The following TLE1 variants were observed in gnomAD, a reference collection of about 807,000 sequenced individuals.
TLE1 encodes transducin-like enhancer protein 1.
TLE1 carries 21 observed loss-of-function variants against 89.8 expected under a neutral mutation model. That is an observed-to-expected ratio of 0.23 (90% CI 0.17 to 0.34). The LOEUF (loss-of-function observed/expected upper bound fraction) is 0.34, where lower values mean the gene tolerates loss of function less well. Ranked by LOEUF, TLE1 falls within the 10% of genes least tolerant of loss-of-function variation. TLE1 has a pLI of 1.00. For synonymous variants in TLE1, 447 were observed against 407.6 expected (o/e 1.10, Z -1.16); for missense variants, 795 against 1,031.2 (o/e 0.77, Z 3.14).
chr9:81,616,831 T>C (rs751862587), intron 9 of TLE1, 132 bp from the exon 10 acceptor site: 7 of 915,022 alleles, frequency 7.7e-6, no homozygotes, highest in Non-Finnish European at 1.2e-5. Context: ...GCAGGCTCTC[T>C]ATCAGTTTGC....
At chr9:81,600,126 A>G (rs777213112) in intron 14 of TLE1, 3 of 736,198 alleles carry the variant, frequency 4.1e-6, no homozygotes, top group Admixed American at 1.9e-5. Context: ...CCTAAACAGG[A>G]CAAAGATACA....
chr9:81,645,004 A>G (rs1221168299), intron 6 of TLE1, among the ~76,000 whole-genome samples: 1 of 144,054 alleles, frequency 6.9e-6, no homozygotes, highest in Admixed American at 6.9e-5. Flanking sequence ...CTGTCTCAAA[A>G]AAAAAAAAAA....
chr9:81,602,940 G>A (rs1831137546), intron 14 of TLE1, among the ~76,000 whole-genome samples: 1 of 152,182 alleles, frequency 6.6e-6, no homozygotes, highest in African/African-American at 2.4e-5. Context: ...AGTTTGGGGA[G>A]GCTGGAATGG....
chr9:81,644,759 A>C (rs748494465), intron 6 of TLE1, among the ~76,000 whole-genome samples: 173 of 151,414 alleles, frequency 1.1e-3, no homozygotes, highest in Non-Finnish European at 1.9e-3. Flanking sequence ...TTTGGGAGGC[A>C]GAGACAGGTG....
At chr9:81,653,406 C>T (rs772458958) in intron 5 of TLE1, among the ~76,000 whole-genome samples, 8 of 152,202 alleles carry the variant, frequency 5.3e-5, no homozygotes, top group Non-Finnish European at 1.0e-4. Context: ...TCATAGATTA[C>T]TCATATAAAG....
chr9:81,596,770 G>A (rs1830277276), intron 14 of TLE1, among the ~76,000 whole-genome samples: 2 of 152,284 alleles, frequency 1.3e-5, no homozygotes, highest in South Asian at 2.1e-4. Context: ...GGTTAACCTT[G>A]GTGACTGCAA....
chr9:81,593,573 A>G (rs111607551), intron 14 of TLE1, among the ~76,000 whole-genome samples: 2,149 of 152,248 alleles, frequency 0.014, 23 homozygotes, highest in Middle Eastern at 0.041. Context: ...CTCATTATAA[A>G]ACACTTAATG....
rs1257535151 is a variant in TLE1 at position 81,688,217 on chromosome 9, C to A, written c.24G>T (p.Pro8=). ...CCACCACCACCCAGCCGCGCCTCACCGGGTGCCGGCTCTGCGGGAACATCG... is the reference window on the plus strand; with the variant it reads ...CCACCACCACCCAGCCGCGCCTCACAGGGTGCCGGCTCTGCGGGAACATCG... The part of the protein sequence containing the change: MFPQSRH[P]TPHQAAGQPF... The change falls in exon 1 of 20, where the codon CCG becomes CCT. Residue 8 remains proline, a splice_region_variant and synonymous_variant. Transcript: ENST00000376499. The A allele has an allele frequency of 1.3e-6, 2 of 1,597,298 alleles. No homozygotes were observed. The highest frequency in any genetic ancestry group is 3.4e-5 in the Admixed American group (2 of 58,522).
chr9:81,642,264 A>G (rs1828225320), intron 6 of TLE1, among the ~76,000 whole-genome samples: 1 of 152,212 alleles, frequency 6.6e-6, no homozygotes, highest in Non-Finnish European at 1.5e-5. Flanking sequence ...GCTTGGGACC[A>G]GCAATGTTTG....
intron 8 of TLE1, among the ~76,000 whole-genome samples, chr9:81,622,472 C>T (rs1399977367): frequency 6.6e-6 from 1 of 152,112 alleles, no homozygotes; most frequent in Non-Finnish European, 1.5e-5. Context: ...TTAATGATGT[C>T]AAATGGTACT....
chr9:81,599,266 G>T (rs974464911), intron 14 of TLE1, among the ~76,000 whole-genome samples: 3 of 152,130 alleles, frequency 2.0e-5, no homozygotes, highest in African/African-American at 4.8e-5. Context: ...GCTAGTAAGC[G>T]GTAGACCAAC....
In TLE1 at chr9:81,670,096, C is replaced by G. The variant is rs1832023599; in HGVS notation, c.234+15580G>C. ...GCAAATCATTTGGGTAATTGGATATCTTATCTTTCTATTGCTCTCAAATCG... is the reference window on the plus strand; with the variant it reads ...GCAAATCATTTGGGTAATTGGATATGTTATCTTTCTATTGCTCTCAAATCG... On this transcript the variant is annotated intron_variant, in intron 4 of 19. Coordinates refer to ENST00000376499, the MANE Select transcript of TLE1 (RefSeq NM_005077.5). 3.3e-5 allele frequency among the ~76,000 whole-genome samples: 5 copies of G among 152,156 alleles called. 1 individual carries two copies. The South Asian group carries it at 1.0e-3, about 31-fold the overall frequency.
chr9:81,685,375 C>T (rs1307092412), intron 4 of TLE1, among the ~76,000 whole-genome samples: 1 of 152,200 alleles, frequency 6.6e-6, no homozygotes, highest in East Asian at 1.9e-4. Context: ...CCAGCCCTTT[C>T]AAGAGGATAA....
chr9:81,633,439 G>C (rs1826962748), intron 7 of TLE1, 75 bp from the exon 8 acceptor site: 2 of 1,596,314 alleles, frequency 1.3e-6, no homozygotes. Context: ...ATAAAAAAAA[G>C]GGGGGAATAA....
Position 81,611,890 on chromosome 9 carries a change from G to T in TLE1, c.1133C>A (p.Ala378Asp), listed in dbSNP as rs1433445487. Residue 378 changes from alanine (A) to aspartate (D), a missense_variant, in exon 13 of 20, where the codon GCT becomes GAT. Physicochemically the swap from Ala to Asp is moderately radical, Grantham distance 126. Coordinates refer to ENST00000376499, the MANE Select transcript of TLE1 (RefSeq NM_005077.5). ...GCTGGTCAGCTCGCCGTTCATGCCAGCGTGGGGGACCATCCCAAAAGGAGC... is the reference window on the plus strand; with the variant it reads ...GCTGGTCAGCTCGCCGTTCATGCCATCGTGGGGGACCATCCCAAAAGGAGC... Reference protein sequence around the residue: ...YPAPFGMVPHAGMNGELTSPG... With the variant: ...YPAPFGMVPHDGMNGELTSPG... The T allele has an allele frequency of 1.3e-6, 2 of 1,545,394 alleles. No individual in the cohort carries two copies. The highest frequency in any genetic ancestry group is 2.1e-5 in the Admixed American group (1 of 47,392).
intron 13 of TLE1, among the ~76,000 whole-genome samples, chr9:81,611,070 C>T (rs1263727000): frequency 6.6e-6 from 1 of 152,192 alleles, no homozygotes; most frequent in Non-Finnish European, 1.5e-5. Context: ...GGACATTTTT[C>T]AAACAGCCAA....
chr9:81,628,398 G>A (rs1327131163), intron 8 of TLE1, among the ~76,000 whole-genome samples: 1 of 152,152 alleles, frequency 6.6e-6, no homozygotes, highest in Non-Finnish European at 1.5e-5. Context: ...TGCCGCCATG[G>A]TTCCCATAGG....
At chr9:81,672,452 G>C (rs1198421746) in intron 4 of TLE1, among the ~76,000 whole-genome samples, 1 of 130,460 alleles carries the variant, frequency 7.7e-6, no homozygotes, top group East Asian at 2.2e-4. Context: ...TCCCGCCTCA[G>C]CCTCCCAACA....
At chr9:81,639,571 A>C (rs539843426) in intron 6 of TLE1, among the ~76,000 whole-genome samples, 1 of 149,628 alleles carries the variant, frequency 6.7e-6, no homozygotes. Context: ...GATTAGTAAA[A>C]GTTGTTTTTT....
Sources: gnomAD v4.1 joint callset for allele counts (sites outside exome capture counted in the v4.1 genomes callset) on GRCh38, gnomAD v4.1.1 for gene constraint, MANE v1.5 for transcripts, NCBI Gene and HGNC (gene_info 2026-07-23, HGNC 2026-07-21) for gene names.